Variants in PAX5 observed in about 807,000 individuals in gnomAD.
The protein encoded by PAX5 is paired box protein Pax-5.
PAX5 carries 9 observed loss-of-function variants against 43.7 expected under a neutral mutation model. That is an observed-to-expected ratio of 0.21 (90% CI 0.12 to 0.36). PAX5 has a LOEUF of 0.36. Ranked by LOEUF, PAX5 falls within the 10% of genes least tolerant of loss-of-function variation. The pLI, the probability that PAX5 is intolerant of heterozygous loss-of-function variation, is 1.00. For missense variants in PAX5, 383 were observed against 532.7 expected (o/e 0.72, Z 2.77); for synonymous variants, 228 against 214.3 (o/e 1.06, Z -0.56).
intron 7 of PAX5, among the ~76,000 whole-genome samples, chr9:36,914,743 C>T (rs1829591940): frequency 6.6e-6 from 1 of 152,052 alleles, no homozygotes; most frequent in Non-Finnish European, 1.5e-5. Flanking sequence ...CAATGCATCC[C>T]TGCTACAGCA....
chr9:37,029,369 G>A (rs1476698461), intron 1 of PAX5, among the ~76,000 whole-genome samples: 1 of 152,198 alleles, frequency 6.6e-6, no homozygotes, highest in African/African-American at 2.4e-5. Context: ...CAAGTTTCCG[G>A]CGCTGACACC....
At chr9:36,943,610 T>A (rs1012071217) in intron 6 of PAX5, among the ~76,000 whole-genome samples, 25 of 150,162 alleles carry the variant, frequency 1.7e-4, no homozygotes, top group African/African-American at 5.9e-4. Flanking sequence ...AAAGAAGGCC[T>A]AAGGATCACT....
chr9:36,958,074 A>C (rs1245534063), intron 6 of PAX5, among the ~76,000 whole-genome samples: 3 of 152,186 alleles, frequency 2.0e-5, no homozygotes, highest in Non-Finnish European at 4.4e-5. Flanking sequence ...TTCTTAGTTA[A>C]GTTGGGCTAT....
intron 4 of PAX5, among the ~76,000 whole-genome samples, chr9:37,005,747 A>G (rs1838332134): frequency 6.6e-6 from 1 of 152,252 alleles, no homozygotes; most frequent in South Asian, 2.1e-4. Context: ...TTTCTTATAT[A>G]GTACAATAAC....
At chr9:36,869,947 G>A (rs1165727171) in intron 8 of PAX5, among the ~76,000 whole-genome samples, 1 of 147,382 alleles carries the variant, frequency 6.8e-6, no homozygotes. Context: ...TAAATGGATG[G>A]ATGGATGGAT....
rs542630954 is a variant in PAX5, at chr9:36,882,612, A to G, written c.911-507T>C. On this transcript the variant is annotated intron_variant, in intron 7 of 9. Coordinates refer to ENST00000358127, the MANE Select transcript of PAX5 (RefSeq NM_016734.3). The surrounding 1 kb of genome is among the most constrained non-coding windows in gnomAD (Gnocchi z 4.4). ...TCTCCTCTCCTCAACAGCCCCCCAC[A>G]GTGAACAGGGGGCATATCTGCCTCA... Among the ~76,000 whole-genome samples, 18 of 152,318 alleles carry G rather than the reference A, an allele frequency of 1.2e-4. No homozygotes were observed. The highest frequency in any genetic ancestry group is 4.1e-4 in the African/African-American group (17 of 41,578).
At chr9:37,002,937 C>A in intron 4 of PAX5, 161 bp from the exon 5 acceptor site, 2 of 773,760 alleles carry the variant, frequency 2.6e-6, no homozygotes, top group South Asian at 2.0e-5. Context: ...ACCTGAGCCA[C>A]GAGCGCAGGC....
intron 7 of PAX5, among the ~76,000 whole-genome samples, chr9:36,897,064 G>T (rs1474459287): frequency 6.6e-6 from 1 of 152,230 alleles, no homozygotes; most frequent in Non-Finnish European, 1.5e-5. Flanking sequence ...GACCTAGAAG[G>T]AGATTCGGGC....
At chr9:36,843,183 AC>A (rs1042493132) in intron 9 of PAX5, among the ~76,000 whole-genome samples, 4 of 151,972 alleles carry the variant, frequency 2.6e-5, no homozygotes, top group African/African-American at 7.3e-5. Context: ...CACAGAGCGC[AC>A]CAATCTAACA....
chr9:36,994,580 C>T (rs1187549063), intron 5 of PAX5, among the ~76,000 whole-genome samples: 3 of 152,212 alleles, frequency 2.0e-5, no homozygotes, highest in Non-Finnish European at 4.4e-5. Flanking sequence ...AGAGACTGAG[C>T]CAAACTGGTT....
chr9:36,916,157 T>A (rs1223323963), intron 7 of PAX5, among the ~76,000 whole-genome samples: 2 of 152,150 alleles, frequency 1.3e-5, no homozygotes, highest in Non-Finnish European at 2.9e-5. Context: ...TATTTTAATA[T>A]AAAGAGTGAG....
chr9:36,909,190 CA>C (rs1829053481), intron 7 of PAX5, among the ~76,000 whole-genome samples: 1 of 152,162 alleles, frequency 6.6e-6, no homozygotes, highest in South Asian at 2.1e-4. Flanking sequence ...CTTCAAATTT[CA>C]ATAGAATTCA....
At chr9:36,953,107 C>T (rs7872603) in intron 6 of PAX5, among the ~76,000 whole-genome samples, 109,683 of 152,050 alleles carry the variant, frequency 0.72, 40,039 homozygotes, top group South Asian at 0.83. Flanking sequence ...TATAATTCCC[C>T]ATGATATAAA....
chr9:36,949,778 C>G (rs1274593612), intron 6 of PAX5, among the ~76,000 whole-genome samples: 1 of 152,182 alleles, frequency 6.6e-6, no homozygotes, highest in African/African-American at 2.4e-5. Context: ...ATGGGGTCTG[C>G]AAAATTCCAT....
chr9:36,870,742 G>C (rs1381438230), intron 8 of PAX5, among the ~76,000 whole-genome samples: 1 of 152,238 alleles, frequency 6.6e-6, no homozygotes, highest in Non-Finnish European at 1.5e-5. Context: ...CCTGTGGGAA[G>C]TCTTGGCTGG....
At chr9:36,859,706 C>T (rs1824012096) in intron 8 of PAX5, among the ~76,000 whole-genome samples, 1 of 152,118 alleles carries the variant, frequency 6.6e-6, no homozygotes, top group African/African-American at 2.4e-5. Flanking sequence ...ATGCAGTGAC[C>T]CAGGCCAGTG....
At chr9:36,902,777 A>G (rs1828516953) in intron 7 of PAX5, among the ~76,000 whole-genome samples, 1 of 152,210 alleles carries the variant, frequency 6.6e-6, no homozygotes, top group Non-Finnish European at 1.5e-5. Context: ...CCCCACCCAC[A>G]CTGGCACAGA....
intron 6 of PAX5, among the ~76,000 whole-genome samples, chr9:36,927,223 C>A (rs1830714712): frequency 6.6e-6 from 1 of 152,136 alleles, no homozygotes; most frequent in South Asian, 2.1e-4. Context: ...CATCCCTGCA[C>A]CCCTCCCCAG....
At chr9:36,972,655 G>T (rs1000298683) in intron 5 of PAX5, among the ~76,000 whole-genome samples, 1 of 152,122 alleles carries the variant, frequency 6.6e-6, no homozygotes, top group Non-Finnish European at 1.5e-5. Flanking sequence ...TGGGGGTGGT[G>T]GGAGTGCTGG....
Sources: allele counts gnomAD v4.1 joint callset (sites outside exome capture counted in the v4.1 genomes callset), GRCh38; gene constraint gnomAD v4.1.1; non-coding constraint Gnocchi (gnomAD v3.1); transcripts MANE v1.5; gene names NCBI Gene and HGNC (gene_info 2026-07-23, HGNC 2026-07-21).